The following CHST12 variants were observed in gnomAD, a reference collection of about 807,000 sequenced individuals.
The protein encoded by CHST12 is carbohydrate sulfotransferase 12.
CHST12 carries 23 observed loss-of-function variants against 27.9 expected under a neutral mutation model. That is an observed-to-expected ratio of 0.82 (90% CI 0.59 to 1.17). CHST12 has a LOEUF of 1.17. CHST12 is among the 50% of genes most tolerant of loss of function. CHST12 has a pLI of 0.00. For synonymous variants in CHST12, 322 were observed against 273.0 expected (o/e 1.18, Z -1.77); for missense variants, 682 against 603.0 (o/e 1.13, Z -1.37).
chr7:2,443,731 T>C lies in CHST12; in HGVS notation c.*9847T>C, dbSNP rs1170105009. On this transcript the variant is annotated 3_prime_UTR_variant, in exon 2 of 2. Transcript: ENST00000618655. ...AGAGCTGCTTCCCTCCTGTTGGGTCTCTGGCGGACAGTCAGGTATGCTGAG... is the reference window on the plus strand; with the variant it reads ...AGAGCTGCTTCCCTCCTGTTGGGTCCCTGGCGGACAGTCAGGTATGCTGAG... 6.6e-6 allele frequency: 1 copy of C among 152,262 alleles called. No homozygotes were observed. Among genetic ancestry groups the C allele is most frequent in the Non-Finnish European group, 1.5e-5 (1 of 68,072 alleles). 9.4% of individuals were successfully genotyped at this position (152,262 alleles called of 1,614,324 possible).
At chr7:2,426,232 C>T (rs189264656) in intron 1 of CHST12, among the ~76,000 whole-genome samples, 1 of 152,264 alleles carries the variant, frequency 6.6e-6, no homozygotes, top group African/African-American at 2.4e-5. Flanking sequence ...AGGATAGGAC[C>T]TGGCATGGAA....
At chr7:2,413,770 C>T (rs1212895301) in intron 1 of CHST12, among the ~76,000 whole-genome samples, 2 of 148,806 alleles carry the variant, frequency 1.3e-5, no homozygotes, top group Admixed American at 6.7e-5. Flanking sequence ...CCTCTGTCGC[C>T]CAGGCTGGAG....
At chr7:2,425,643 A>T (rs1782096568) in intron 1 of CHST12, among the ~76,000 whole-genome samples, 1 of 151,010 alleles carries the variant, frequency 6.6e-6, no homozygotes, top group South Asian at 2.1e-4. Context: ...CAGGGGGCCC[A>T]CATCTGCAGA....
intron 1 of CHST12, among the ~76,000 whole-genome samples, chr7:2,423,558 C>T (rs1390795485): frequency 6.6e-6 from 1 of 152,310 alleles, no homozygotes; most frequent in South Asian, 2.1e-4. Context: ...GATGCTGGTG[C>T]ACTACAGGCC....
At chr7:2,423,416 G>T (rs1035876350) in intron 1 of CHST12, among the ~76,000 whole-genome samples, 7 of 152,198 alleles carry the variant, frequency 4.6e-5, no homozygotes, top group African/African-American at 1.7e-4. Flanking sequence ...GAGGAATGCG[G>T]TGGGGGCCAT....
chr7:2,408,727 G>A (rs1005945287), intron 1 of CHST12, among the ~76,000 whole-genome samples: 1 of 152,202 alleles, frequency 6.6e-6, no homozygotes, highest in Non-Finnish European at 1.5e-5. Flanking sequence ...TTAAGGAGGT[G>A]ATTGGCAGAT....
chr7:2,427,762 T>G (rs1782164153), intron 1 of CHST12, among the ~76,000 whole-genome samples: 1 of 152,142 alleles, frequency 6.6e-6, no homozygotes. Context: ...ACATGGTTGA[T>G]TTTTGAACAT....
At chr7:2,424,125 G>A (rs1204286464) in intron 1 of CHST12, among the ~76,000 whole-genome samples, 1 of 152,170 alleles carries the variant, frequency 6.6e-6, no homozygotes, top group Non-Finnish European at 1.5e-5. Context: ...AGGCCATGGT[G>A]GGAGGATCAC....
In CHST12 at chr7:2,429,019, T is replaced by C. The variant is rs10258154; in HGVS notation, c.-77-3544T>C. Among the ~76,000 whole-genome samples the C allele has an allele frequency of 3.6e-3, 548 of 152,288 alleles. 5 individuals are homozygous for C. Among genetic ancestry groups the C allele is most frequent in the African/African-American group, 0.013 (530 of 41,566 alleles). ...GGCTCTCCACAAGGGTCGCATTCCA[T>C]TCCCAGAGCTATGAACATCTGCTTT... On this transcript the variant is annotated intron_variant, in intron 1 of 1. Coordinates refer to ENST00000618655, the MANE Select transcript of CHST12 (RefSeq NM_018641.5).
chr7:2,416,318 C>G (rs1781807875), intron 1 of CHST12, among the ~76,000 whole-genome samples: 1 of 152,182 alleles, frequency 6.6e-6, no homozygotes, highest in African/African-American at 2.4e-5. Context: ...GCACCGGAGT[C>G]TTGAACTCCT....
intron 1 of CHST12, among the ~76,000 whole-genome samples, chr7:2,408,112 G>A (rs1781568242): frequency 6.6e-6 from 1 of 152,074 alleles, no homozygotes; most frequent in Non-Finnish European, 1.5e-5. Context: ...GCTCACGCCT[G>A]TAATCCCAGC....
chr7:2,417,232 T>C (rs1781834774), intron 1 of CHST12, among the ~76,000 whole-genome samples: 1 of 151,566 alleles, frequency 6.6e-6, no homozygotes, highest in Non-Finnish European at 1.5e-5. Context: ...CTACCTTTTT[T>C]TTTTTTTTTT....
Position 2,408,605 on chromosome 7 carries a change from C to T in CHST12, c.-78+4932C>T, listed in dbSNP as rs529649488. On this transcript the variant is annotated intron_variant, in intron 1 of 1. Transcript: ENST00000618655. ...ACTGGGTGGCAGGAGACGGGAGGGC[C>T]TTGCTTGAGAAATTCTGAAGGATGC... 1.1e-4 allele frequency among the ~76,000 whole-genome samples: 17 copies of T among 152,242 alleles called. No individual in the cohort carries two copies. The South Asian group carries it at 3.3e-3, about 30-fold the overall frequency.
intron 1 of CHST12, among the ~76,000 whole-genome samples, chr7:2,411,688 A>G (rs143104854): frequency 6.6e-6 from 1 of 151,934 alleles, no homozygotes; most frequent in African/African-American, 2.4e-5. Flanking sequence ...GGGTTTTGCC[A>G]TGTTGGCCAG....
intron 1 of CHST12, among the ~76,000 whole-genome samples, chr7:2,404,387 A>G (rs1456420693): frequency 2.6e-5 from 4 of 152,040 alleles, no homozygotes; most frequent in African/African-American, 9.7e-5. Context: ...TCTGGCAGGC[A>G]GCACAACAAG....
intron 1 of CHST12, among the ~76,000 whole-genome samples, chr7:2,416,885 T>TC (rs1781823645): frequency 6.6e-6 from 1 of 152,126 alleles, no homozygotes; most frequent in African/African-American, 2.4e-5. Flanking sequence ...ATACGCCTTC[T>TC]CCGCACAGTA....
At chr7:2,412,933 TAGAA>T (rs1396356328) in intron 1 of CHST12, among the ~76,000 whole-genome samples, 1 of 152,018 alleles carries the variant, frequency 6.6e-6, no homozygotes, top group East Asian at 1.9e-4. Flanking sequence ...TGGCTCTTGG[TAGAA>T]AGCATGAGTA....
At chr7:2,411,901 A>G (rs535465925) in intron 1 of CHST12, among the ~76,000 whole-genome samples, 51 of 152,332 alleles carry the variant, frequency 3.3e-4, no homozygotes, top group African/African-American at 1.2e-3. Context: ...TACATGAGAT[A>G]TGATCCCTGT....
At chr7:2,422,331 G>A (rs1781997488) in intron 1 of CHST12, among the ~76,000 whole-genome samples, 2 of 151,378 alleles carry the variant, frequency 1.3e-5, no homozygotes, top group South Asian at 4.2e-4. Flanking sequence ...TGCAACCTCC[G>A]CCTCCCAGGT....
Sources: gnomAD v4.1 joint callset for allele counts (sites outside exome capture counted in the v4.1 genomes callset) on GRCh38, gnomAD v4.1.1 for gene constraint, MANE v1.5 for transcripts, NCBI Gene and HGNC (gene_info 2026-07-23, HGNC 2026-07-21) for gene names.